The following COL24A1 variants were observed in gnomAD, a reference collection of about 807,000 sequenced individuals.
The protein encoded by COL24A1 is collagen alpha-1(XXIV) chain.
Under a neutral mutation model 253.9 loss-of-function variants are expected in COL24A1, and 224 were observed. That is an observed-to-expected ratio of 0.88 (90% confidence interval 0.79 to 0.99). COL24A1 has a LOEUF of 0.99. Ranked by LOEUF, COL24A1 falls within the 50% of genes least tolerant of loss-of-function variation. COL24A1 has a pLI of 0.00. For synonymous variants in COL24A1, 685 were observed against 673.7 expected (o/e 1.02, Z -0.26); for missense variants, 2,131 against 2,068.5 (o/e 1.03, Z -0.59).
chr1:85,830,935 C>G (rs75736004), intron 43 of COL24A1, among the ~76,000 whole-genome samples: 3,133 of 152,236 alleles, frequency 0.021, 108 homozygotes, highest in African/African-American at 0.073. Context: ...ATTTGGCAAT[C>G]TTGGCTCCTA....
At chr1:86,110,304 C>T (rs1705418547) in intron 5 of COL24A1, among the ~76,000 whole-genome samples, 1 of 151,830 alleles carries the variant, frequency 6.6e-6, no homozygotes, top group African/African-American at 2.4e-5. Flanking sequence ...CCCATGCTTT[C>T]AAGGTAACCA....
intron 18 of COL24A1, among the ~76,000 whole-genome samples, chr1:86,017,518 A>G (rs556868794): frequency 5.3e-5 from 8 of 152,308 alleles, no homozygotes; most frequent in Admixed American, 5.2e-4. Context: ...GCTGGACTCA[A>G]CAAGATAGGG....
At position 85,923,002 on chromosome 1, in the gene COL24A1, A is replaced by G. The variant is rs879477652; in HGVS notation, c.2563-11569T>C. ...ACCAAGCAAATGGAGAACAAAAAAA[A>G]AAGCAGGGGTTGTAATCCTAGTCTC... On this transcript the variant is annotated intron_variant, in intron 24 of 59. Coordinates refer to ENST00000370571, the MANE Select transcript of COL24A1 (RefSeq NM_152890.7). Among the ~76,000 whole-genome samples, 10 of 152,314 alleles carry G rather than the reference A, an allele frequency of 6.6e-5. No individual in the cohort carries two copies. The East Asian group carries it at 1.9e-3, about 29-fold the overall frequency.
chr1:85,937,068 CTCT>C (rs1310643868), intron 24 of COL24A1, among the ~76,000 whole-genome samples: 2 of 147,580 alleles, frequency 1.4e-5, no homozygotes, highest in African/African-American at 2.5e-5. Context: ...CAGCCAGTAC[CTCT>C]TCTTTAGCTG....
intron 58 of COL24A1, chr1:85,736,485 T>C (rs529315635): frequency 2.2e-6 from 1 of 456,244 alleles, no homozygotes; most frequent in African/African-American, 2.0e-5. Context: ...TGCTGCTCTT[T>C]ATTAGAGGTT....
At chr1:86,028,606 T>C (rs1156964139) in intron 14 of COL24A1, among the ~76,000 whole-genome samples, 1 of 152,232 alleles carries the variant, frequency 6.6e-6, no homozygotes, top group African/African-American at 2.4e-5. Flanking sequence ...TAAACCTCTT[T>C]CCTTTATAAA....
intron 3 of COL24A1, among the ~76,000 whole-genome samples, chr1:86,124,279 G>A (rs1377762897): frequency 6.6e-6 from 1 of 151,708 alleles, no homozygotes; most frequent in Admixed American, 6.6e-5. Flanking sequence ...GTTAGGCAAG[G>A]GGAGCTTTAA....
intron 10 of COL24A1, among the ~76,000 whole-genome samples, chr1:86,050,650 A>G (rs1467782260): frequency 1.3e-5 from 2 of 152,126 alleles, no homozygotes; most frequent in African/African-American, 4.8e-5. Context: ...TAGAGACATA[A>G]TAGGAAGTCT....
intron 24 of COL24A1, among the ~76,000 whole-genome samples, chr1:85,941,785 A>C (rs560402498): frequency 2.0e-5 from 3 of 152,232 alleles, no homozygotes; most frequent in African/African-American, 7.2e-5. Context: ...TAATCCTAAA[A>C]ACTTGTCTAA....
At chr1:86,095,735 C>G (rs2102000371) in intron 5 of COL24A1, among the ~76,000 whole-genome samples, 1 of 152,176 alleles carries the variant, frequency 6.6e-6, no homozygotes, top group South Asian at 2.1e-4. Flanking sequence ...GTACCGACTT[C>G]CACTTACTTC....
intron 24 of COL24A1, among the ~76,000 whole-genome samples, chr1:85,927,836 T>C (rs200782082): frequency 7.1e-4 from 87 of 122,896 alleles, no homozygotes; most frequent in Middle Eastern, 9.3e-3. Context: ...ACACCTCACA[T>C]GGCAGGGTAT....
intron 58 of COL24A1, among the ~76,000 whole-genome samples, 191 bp downstream of exon 58, chr1:85,737,205 T>G (rs1469068265): frequency 6.6e-6 from 1 of 152,100 alleles, no homozygotes; most frequent in Non-Finnish European, 1.5e-5. Context: ...AAAGACACAA[T>G]CAAAATGTCA....
chr1:85,781,110 A>AT lies in COL24A1; in HGVS notation c.4338+109dup, dbSNP rs145791071. The AT allele has an allele frequency of 8.2e-3, 6,233 of 760,934 alleles. 287 individuals are homozygous for AT. In the African/African-American group the frequency reaches 0.1, roughly 12 times the overall value. The allele number at this position is 760,934 out of a possible 1,614,324, so 47.1% of individuals were successfully genotyped here. A position where few individuals can be genotyped will look rare whatever the true frequency, so the allele number is the denominator to read the frequency against. The stretch of plus-strand genomic sequence containing the variant: ...ATTTTCCAGAAGAAAATGTATATCT[A>AT]TTTTTTCCATTTTCTTCTCAAATAC... On this transcript the variant is annotated intron_variant, in intron 52 of 59. Coordinates refer to ENST00000370571, the MANE Select transcript of COL24A1 (RefSeq NM_152890.7).
chr1:86,126,283 T>G, intron 2 of COL24A1, 69 bp from the exon 3 acceptor site: 2 of 1,393,316 alleles, frequency 1.4e-6, no homozygotes, highest in Non-Finnish European at 1.9e-6. Flanking sequence ...TATAAATGTT[T>G]GAATATGATA....
At chr1:86,010,059 CA>C (rs1027271138) in intron 19 of COL24A1, among the ~76,000 whole-genome samples, 2 of 151,296 alleles carry the variant, frequency 1.3e-5, no homozygotes, top group East Asian at 1.9e-4. Context: ...TTCACACACA[CA>C]AAAAAAACTT....
chr1:85,948,966 AG>A (rs1385737240), intron 24 of COL24A1, among the ~76,000 whole-genome samples: 1 of 152,128 alleles, frequency 6.6e-6, no homozygotes, highest in African/African-American at 2.4e-5. Flanking sequence ...AATCTTTTTG[AG>A]GTTTTCTGAA....
At chr1:85,731,553 T>C (rs935353459) in intron 59 of COL24A1, among the ~76,000 whole-genome samples, 1 of 152,230 alleles carries the variant, frequency 6.6e-6, no homozygotes, top group African/African-American at 2.4e-5. Context: ...GTTAGATTCA[T>C]TCATTAAGTC....
chr1:85,948,692 TGAA>T (rs1255433386), intron 24 of COL24A1, among the ~76,000 whole-genome samples: 12 of 151,746 alleles, frequency 7.9e-5, no homozygotes, highest in African/African-American at 2.9e-4. Context: ...ACTATATTTT[TGAA>T]TGACTCCTCC....
intron 43 of COL24A1, among the ~76,000 whole-genome samples, chr1:85,833,442 T>C (rs1056423185): frequency 6.6e-6 from 1 of 152,152 alleles, no homozygotes; most frequent in South Asian, 2.1e-4. Flanking sequence ...GTTAGAATGG[T>C]GATCAGTAAA....
Sources: allele counts gnomAD v4.1 joint callset (sites outside exome capture counted in the v4.1 genomes callset), GRCh38; gene constraint gnomAD v4.1.1; transcripts MANE v1.5; gene names NCBI Gene and HGNC (gene_info 2026-07-23, HGNC 2026-07-21).